Variants in SFPQ observed in about 807,000 individuals in gnomAD.
SFPQ encodes the protein splicing factor proline and glutamine rich, also known as splicing factor, proline- and glutamine-rich.
A neutral mutation model predicts 72.9 loss-of-function variants in SFPQ; 11 were observed. That is an observed-to-expected ratio of 0.15 (90% CI 0.09 to 0.25). The LOEUF is 0.25. Ranked by LOEUF, SFPQ falls within the 10% of genes least tolerant of loss-of-function variation. The pLI is 1.00. For missense variants in SFPQ, 847 were observed against 993.3 expected, an observed-to-expected ratio of 0.85 and a Z score of 1.98; for synonymous variants, 506 against 367.3, an observed-to-expected ratio of 1.38 and a Z score of -4.32.
At chr1:35,182,472 TGTCA>T (rs142590388), downstream of SFPQ, 4,306 of 985,226 alleles carry the variant, frequency 4.4e-3, 147 homozygotes, top group African/African-American at 0.069. Context: ...ACCATGTACC[TGTCA>T]GTCATACAAC....
chr1:35,180,994 C>G (rs926485733), downstream of SFPQ: 2 of 1,065,050 alleles, frequency 1.9e-6, no homozygotes, highest in Admixed American at 5.3e-5. Context: ...CACACCCACA[C>G]AGTTTTGATG....
chr1:35,190,581 T>G lies in SFPQ; in HGVS notation c.1332A>C (p.Pro444=). Residue 444 remains proline (P), a synonymous_variant, in exon 4 of 10, where the codon CCA becomes CCC. Coordinates refer to ENST00000357214, the MANE Select transcript of SFPQ (RefSeq NM_005066.3). ...GTTGTTCAAGTGGTTCCACAATGAC[T>G]GGACGAGGAGTTCTAATAACAAAAA... ...GVFLLTTTPR[P]VIVEPLEQLD... The G allele has an allele frequency of 6.2e-7, 1 of 1,613,286 alleles. No homozygotes were observed. The highest frequency in any genetic ancestry group is 8.5e-7 in the Non-Finnish European group (1 of 1,179,634).
Position 35,183,111 on chromosome 1 carries a change from G to A in SFPQ, c.*1345C>T. On this transcript the variant is annotated 3_prime_UTR_variant, in exon 10 of 10. Transcript: ENST00000357214. Reference sequence around the variant, plus strand: ...ACAATCACCACTAGCTCTTAGAAGAGAACCAATAGATTTTTATAGTCCTAT... The same window carrying A: ...ACAATCACCACTAGCTCTTAGAAGAAAACCAATAGATTTTTATAGTCCTAT... 3 of 1,026,182 alleles carry A rather than the reference G, an allele frequency of 2.9e-6. No individual in the cohort carries two copies. The highest frequency in any genetic ancestry group is 4.6e-5 in the South Asian group (1 of 21,656). The allele number at this position is 1,026,182 out of a possible 1,614,324, so 63.6% of individuals were successfully genotyped here. A position where few individuals can be genotyped will look rare whatever the true frequency, so the allele number is the denominator to read the frequency against.
At chr1:35,186,146 C>T (rs1639701576) in intron 9 of SFPQ, among the ~76,000 whole-genome samples, 1 of 152,154 alleles carries the variant, frequency 6.6e-6, no homozygotes, top group African/African-American at 2.4e-5. Flanking sequence ...TAAAATGAAT[C>T]TTATGAGCTA....
At chr1:35,178,453 G>T (rs1481354317), downstream of SFPQ, 15 of 1,063,464 alleles carry the variant, frequency 1.4e-5, no homozygotes, top group Non-Finnish European at 1.7e-5. Context: ...CCATTGTCAG[G>T]CAGGCTGACC....
At position 35,190,823 on chromosome 1, in the gene SFPQ, A is replaced by G; in HGVS notation, c.1190T>C (p.Ile397Thr). The change falls in exon 3 of 10, where the codon ATT (isoleucine) becomes ACT (threonine). Residue 397 changes from isoleucine to threonine, a missense_variant. Ile to Thr is a moderately conservative substitution (Grantham distance 89). This residue lies in a region of SFPQ where 132 missense variants were observed against 255.4 expected (regional missense o/e 0.52). Transcript: ENST00000357214. ...ATCCACTATTACAACAGCCCTTTCA[A>G]TAGGACCAAATTGGCTAAAGGCTTC... ...LEEAFSQFGPIERAVVIVDDR... is the reference protein window; with the variant it reads ...LEEAFSQFGPTERAVVIVDDR... 1 of 1,614,194 alleles carries G rather than the reference A, an allele frequency of 6.2e-7. No homozygotes were observed. Among genetic ancestry groups the G allele is most frequent in the Non-Finnish European group, 8.5e-7 (1 of 1,180,032 alleles).
chr1:35,184,394 T>C lies in SFPQ; in HGVS notation c.*62A>G, dbSNP rs568697804. ...GCTTTCTTACTAAAATGCAAGAATT[T>C]AAAAGATTGGTATCTAAACAAAAAA... On this transcript the variant is annotated 3_prime_UTR_variant, in exon 10 of 10. Transcript: ENST00000357214. 63 of 1,578,072 alleles carry C rather than the reference T, an allele frequency of 4.0e-5. No individual in the cohort carries two copies. Among genetic ancestry groups the C allele is most frequent in the Non-Finnish European group, 5.3e-5 (62 of 1,169,818 alleles).
In SFPQ at chr1:35,192,317, G is replaced by A. The variant is rs1640058258; in HGVS notation, c.733C>T (p.Arg245Cys). Residue 245 changes from arginine to cysteine, a missense_variant, in exon 1 of 10, where the codon CGC becomes TGC. This residue lies in a region of SFPQ where 498 missense variants were observed against 405.1 expected (regional missense o/e 1.23). Coordinates refer to ENST00000357214, the MANE Select transcript of SFPQ (RefSeq NM_005066.3). ...HRGGGEPRGGRQHHPPYHQQH... is the reference protein window; with the variant it reads ...HRGGGEPRGGCQHHPPYHQQH... ...TGGTGGTAGGGCGGGTGGTGCTGGC[G>A]GCCCCCGCGGGGCTCCCCGCCGCCT... 2 of 1,429,040 alleles carry A rather than the reference G, an allele frequency of 1.4e-6. No individual in the cohort carries two copies. Among genetic ancestry groups the A allele is most frequent in the South Asian group, 2.8e-5 (2 of 70,866 alleles). The allele number at this position is 1,429,040 out of a possible 1,614,324, so 88.5% of individuals were successfully genotyped here. A position where few individuals can be genotyped will look rare whatever the true frequency, so the allele number is the denominator to read the frequency against.
Position 35,188,040 on chromosome 1 carries a change from C to T in SFPQ, c.1748G>A (p.Arg583His), listed in dbSNP as rs758712938. The change falls in exon 7 of 10, where the codon CGT (arginine) becomes CAT (histidine). Residue 583 changes from arginine (R) to histidine (H), a missense_variant. Physicochemically the swap from Arg to His is conservative, Grantham distance 29. This residue lies in a region of SFPQ where 154 missense variants were observed against 186.0 expected (regional missense o/e 0.83). Transcript: ENST00000357214. The stretch of plus-strand genomic sequence containing the variant: ...GCGCCTCATTTGTTCTTCCATCTCA[C>T]GTTGACGAATCATCATCTCTTCCTC... ...RREEEMMIRQ[R>H]EMEEQMRRQR... The T allele has an allele frequency of 1.9e-6, 3 of 1,614,018 alleles. No homozygotes were observed. The highest frequency in any genetic ancestry group is 2.5e-6 in the Non-Finnish European group (3 of 1,180,014).
At chr1:35,178,763 G>C (rs760276020), downstream of SFPQ, 1 of 1,054,028 alleles carries the variant, frequency 9.5e-7, no homozygotes, top group Non-Finnish European at 1.1e-6. Context: ...TACTGCAAAG[G>C]GTATATGAAG....
chr1:35,182,334 A>G (rs2148608714), downstream of SFPQ: 1 of 985,416 alleles, frequency 1.0e-6, no homozygotes, highest in Non-Finnish European at 1.2e-6. Context: ...TGTATCACCA[A>G]TTAATAACCT....
downstream of SFPQ, chr1:35,181,209 T>C: frequency 9.4e-7 from 1 of 1,065,648 alleles, no homozygotes; most frequent in Non-Finnish European, 1.1e-6. Context: ...CATTGCCATT[T>C]GCGGTACTAC....
At position 35,184,024 on chromosome 1, in the gene SFPQ, T is replaced by C. The variant is rs1639593116; in HGVS notation, c.*432A>G. On this transcript the variant is annotated 3_prime_UTR_variant, in exon 10 of 10. Coordinates refer to ENST00000357214, the MANE Select transcript of SFPQ (RefSeq NM_005066.3). The stretch of plus-strand genomic sequence containing the variant: ...CCAGATGCATTTCCCAGAAATGGCA[T>C]ATGCCATTCAAAGGCCTAGACACTC... The C allele has an allele frequency of 9.4e-7, 1 of 1,059,570 alleles. No individual in the cohort carries two copies. Among genetic ancestry groups the C allele is most frequent in the Non-Finnish European group, 1.1e-6 (1 of 875,786 alleles). 65.6% of individuals were successfully genotyped at this position (1,059,570 alleles called of 1,614,324 possible).
At chr1:35,186,498 ACACT>A (rs1234381230) in intron 9 of SFPQ, among the ~76,000 whole-genome samples, 1 of 152,180 alleles carries the variant, frequency 6.6e-6, no homozygotes, top group Admixed American at 6.5e-5. Flanking sequence ...ACGAGTCAAA[ACACT>A]CAATTCCCTT....
chr1:35,178,546 G>T (rs1301152575), downstream of SFPQ: 1 of 1,060,496 alleles, frequency 9.4e-7, no homozygotes, highest in Non-Finnish European at 1.1e-6. Context: ...GCAATCCTTT[G>T]TATTTACCTC....
chr1:35,178,515 C>T (rs1052913782), downstream of SFPQ: 33 of 1,062,300 alleles, frequency 3.1e-5, no homozygotes, highest in Non-Finnish European at 3.8e-5. Flanking sequence ...CCACAGTACA[C>T]AACGCTGTAG....
At chr1:35,191,850 T>C (rs1640015550) in intron 1 of SFPQ, among the ~76,000 whole-genome samples, 1 of 152,208 alleles carries the variant, frequency 6.6e-6, no homozygotes, top group Admixed American at 6.5e-5. Flanking sequence ...CAAATCCAAA[T>C]GCCACTGTAA....
intron 5 of SFPQ, among the ~76,000 whole-genome samples, chr1:35,177,033 T>C (rs1196199925): frequency 1.3e-5 from 2 of 151,932 alleles, no homozygotes; most frequent in East Asian, 1.9e-4. Flanking sequence ...CTGACCAACA[T>C]GGTCAAACCC....
In SFPQ at chr1:35,186,747, C is replaced by T. The variant is rs1469963699; in HGVS notation, c.1986+254G>A. Among the ~76,000 whole-genome samples, 5 of 152,172 alleles carry T rather than the reference C, an allele frequency of 3.3e-5. No individual in the cohort carries two copies. The East Asian group carries it at 9.7e-4, about 29-fold the overall frequency. ...CAAAAGCACCTAAATCTACTTATTG[C>T]CAAAGGTAATTCCACATAATACTAA... On this transcript the variant is annotated intron_variant, in intron 9 of 9. Coordinates refer to ENST00000357214, the MANE Select transcript of SFPQ (RefSeq NM_005066.3).
Sources: gnomAD v4.1 joint callset for allele counts (sites outside exome capture counted in the v4.1 genomes callset) on GRCh38, gnomAD v4.1.1 for gene constraint, gnomAD v4.1.1 regional missense constraint, MANE v1.5 for transcripts, NCBI Gene and HGNC (gene_info 2026-07-23, HGNC 2026-07-21) for gene names.